Variants in COG8 observed in about 807,000 individuals in gnomAD.
COG8 encodes conserved oligomeric Golgi complex subunit 8.
A neutral mutation model predicts 46.5 loss-of-function variants in COG8; 45 were observed. The observed-to-expected ratio is 0.97, with a 90% CI of 0.76 to 1.24. The LOEUF (loss-of-function observed/expected upper bound fraction) is 1.24. Among genes scored for constraint, COG8 ranks in the 50% most tolerant of loss-of-function variants. COG8 has a pLI of 0.00. For missense variants in COG8, 793 were observed against 820.8 expected (o/e 0.97, Z 0.41); for synonymous variants, 407 against 347.8 (o/e 1.17, Z -1.90).
Position 69,330,996 on chromosome 16 carries a change from G to GTC in COG8, c.1680_1681dup (p.Thr561ArgfsTer115), listed in dbSNP as rs780534334. On this transcript the variant is annotated frameshift_variant, in exon 5 of 6. Transcript: ENST00000306875. LOFTEE classifies it high-confidence loss of function. ...CGCCTGGTCATCCAGGGTGAAAAGC[G>GTC]TCTCTCTCTTTGGCAGGATAAAGGC... The GTC allele has an allele frequency of 1.9e-6, 3 of 1,610,024 alleles. No individual in the cohort carries two copies. Among genetic ancestry groups the GTC allele is most frequent in the African/African-American group, 2.7e-5 (2 of 74,884 alleles).
rs772845929 is a variant in COG8, at chr16:69,330,919, G to A, written c.1759C>T (p.Arg587Cys). 2.6e-6 allele frequency: 4 copies of A among 1,557,922 alleles called. No individual in the cohort carries two copies. The East Asian group carries it at 7.2e-5, about 28-fold the overall frequency. ...CAGGCTGGGCCCGCGGGCTCCAGGCGTGGCTCCTCGGCGGGAGGCTCTGGT... is the reference window on the plus strand; with the variant it reads ...CAGGCTGGGCCCGCGGGCTCCAGGCATGGCTCCTCGGCGGGAGGCTCTGGT... Reference protein sequence around the residue: ...PAPEPPAEEPRLEPAGPACPE... With the variant: ...PAPEPPAEEPCLEPAGPACPE... The change falls in exon 5 of 6, where the codon CGC (arginine) becomes TGC (cysteine). Residue 587 changes from arginine to cysteine, a missense_variant. Arg to Cys is a radical substitution (Grantham distance 180). Transcript: ENST00000306875.
At chr16:69,336,795 A>G (rs1340177296) in intron 1 of COG8, 83 bp from the exon 2 acceptor site, 2 of 1,153,852 alleles carry the variant, frequency 1.7e-6, no homozygotes, top group African/African-American at 3.0e-5. Flanking sequence ...TGCTATGAAC[A>G]TTGGGCTGGA....
Position 69,339,343 on chromosome 16 carries a change from C to T in COG8, c.210G>A (p.Glu70=), listed in dbSNP as rs1431973028. The change falls in exon 1 of 6, where the codon GAG becomes GAA. Residue 70 remains glutamate, a synonymous_variant. Coordinates refer to ENST00000306875, the MANE Select transcript of COG8 (RefSeq NM_032382.5). ...RLRREPERLA[E]ERAQLLQQTR... is the part of the protein sequence containing the mutation. ...TCTGCTGCAGCAGCTGCGCCCGCTC[C>T]TCCGCCAGGCGCTCGGGCTCGCGCC... 2.5e-6 allele frequency: 4 copies of T among 1,601,000 alleles called. No individual in the cohort carries two copies. Among genetic ancestry groups the T allele is most frequent in the Non-Finnish European group, 3.4e-6 (4 of 1,176,174 alleles).
At chr16:69,330,487 C>T in intron 5 of COG8, 1 of 1,474,214 alleles carries the variant, frequency 6.8e-7, no homozygotes, top group Non-Finnish European at 8.9e-7. Flanking sequence ...AGCTGCAAGC[C>T]CGGACACCGA....
At chr16:69,330,155 T>A in intron 5 of COG8, 1 of 1,544,028 alleles carries the variant, frequency 6.5e-7, no homozygotes, top group Non-Finnish European at 8.7e-7. Flanking sequence ...GAGCGCGCGC[T>A]GGCGGGGCGG....
rs1965681066 is a variant in COG8, at chr16:69,328,743, A to G, written c.*463T>C. On this transcript the variant is annotated 3_prime_UTR_variant, in exon 6 of 6. Coordinates refer to ENST00000306875, the MANE Select transcript of COG8 (RefSeq NM_032382.5). ...GAGGAACTCGTGTCTACTGCAGACG[A>G]ATGCAATTACCCCACCTTCCTCCAT... 1 of 416,582 alleles carries G rather than the reference A, an allele frequency of 2.4e-6. No individual in the cohort carries two copies. The highest frequency in any genetic ancestry group is 2.9e-5 in the South Asian group (1 of 34,580). The allele number at this position is 416,582 out of a possible 1,614,324, so 25.8% of individuals were successfully genotyped here.
At chr16:69,335,378 G>C in intron 2 of COG8, 30 bp from the exon 3 acceptor site, 1 of 1,531,102 alleles carries the variant, frequency 6.5e-7, no homozygotes, top group Non-Finnish European at 8.8e-7. Context: ...GTCACACTGC[G>C]CTGGGAAGGA....
At chr16:69,335,434 C>T in intron 2 of COG8, 86 bp from the exon 3 acceptor site, 2 of 1,093,870 alleles carry the variant, frequency 1.8e-6, no homozygotes, top group South Asian at 2.7e-5. Context: ...TGCAGACCAA[C>T]ATTCCCATGG....
chr16:69,335,475 G>A (rs949033953), intron 2 of COG8, 127 bp from the exon 3 acceptor site: 2 of 820,596 alleles, frequency 2.4e-6, no homozygotes, highest in African/African-American at 1.7e-5. Flanking sequence ...ATTTCCTAAA[G>A]CTGATGCCTG....
Position 69,332,725 on chromosome 16 carries a change from G to C in COG8, c.1571C>G (p.Ala524Gly). The change falls in exon 4 of 6, where the codon GCA (alanine) becomes GGA (glycine). Residue 524 changes from alanine to glycine, a missense_variant. Ala to Gly is a moderately conservative substitution (Grantham distance 60, BLOSUM62 0). Coordinates refer to ENST00000306875, the MANE Select transcript of COG8 (RefSeq NM_032382.5). Reference sequence around the variant, plus strand: ...TTTCATTCTCTTACCTAAAGTCTGTGCTATCTGAGCTGGTGGAAAAAGGAC... The same window carrying C: ...TTTCATTCTCTTACCTAAAGTCTGTCCTATCTGAGCTGGTGGAAAAAGGAC... ...LQVLFPPAQIAQTLGIPPTQL... is the reference protein window; with the variant it reads ...LQVLFPPAQIGQTLGIPPTQL... The C allele has an allele frequency of 6.2e-7, 1 of 1,614,014 alleles. No homozygotes were observed. The highest frequency in any genetic ancestry group is 8.5e-7 in the Non-Finnish European group (1 of 1,179,862).
rs1965650531 is a variant in COG8 at position 69,327,883 on chromosome 16, C to T, written c.*1323G>A. On this transcript the variant is annotated 3_prime_UTR_variant, in exon 6 of 6. Coordinates refer to ENST00000306875, the MANE Select transcript of COG8 (RefSeq NM_032382.5). The stretch of plus-strand genomic sequence containing the variant: ...AAAAATAAAAGAATAAAACAAGTTC[C>T]TTCACCTCTTGACAAGACAAAGCTG... 1 of 151,568 alleles carries T rather than the reference C, an allele frequency of 6.6e-6. No homozygotes were observed. The allele number at this position is 151,568 out of a possible 1,614,324, so 9.4% of individuals were successfully genotyped here.
chr16:69,330,397 A>C, intron 5 of COG8: 2 of 1,479,392 alleles, frequency 1.4e-6, no homozygotes, highest in Non-Finnish European at 1.8e-6. Flanking sequence ...GTTCGGGAGG[A>C]CCCAGCACCA....
rs757770081 is a variant in COG8, at chr16:69,334,646, G to C, written c.1288C>G (p.Leu430Val). 8.1e-6 allele frequency: 13 copies of C among 1,614,092 alleles called. No homozygotes were observed. The highest frequency in any genetic ancestry group is 1.0e-5 in the Non-Finnish European group (12 of 1,180,042). ...PGTLQPPMVLLDFPPLACFLN... is the reference protein window; with the variant it reads ...PGTLQPPMVLVDFPPLACFLN... ...AAGCAGGCGAGGGGTGGGAAATCTA[G>C]GAGCACCATGGGTGGCTGCAGCGTC... The change falls in exon 3 of 6, where the codon CTA becomes GTA. Residue 430 changes from leucine (L) to valine (V), a missense_variant. Coordinates refer to ENST00000306875, the MANE Select transcript of COG8 (RefSeq NM_032382.5).
intron 4 of COG8, 99 bp from the exon 5 acceptor site, chr16:69,331,194 T>G: frequency 4.3e-5 from 54 of 1,268,904 alleles, no homozygotes; most frequent in Non-Finnish European, 4.4e-5. Flanking sequence ...ACGCCTGTAA[T>G]CCCAGCACTT....
chr16:69,337,546 C>T (rs12935324), intron 1 of COG8, among the ~76,000 whole-genome samples: 1 of 152,216 alleles, frequency 6.6e-6, no homozygotes, highest in African/African-American at 2.4e-5. Flanking sequence ...CTGCCACAGT[C>T]TACTTTCAAC....
Position 69,330,920 on chromosome 16 carries a change from T to TG in COG8, c.1757dup (p.Arg587ThrfsTer84), listed in dbSNP as rs1202504473. The TG allele has an allele frequency of 6.4e-7, 1 of 1,558,296 alleles. No homozygotes were observed. Among genetic ancestry groups the TG allele is most frequent in the Non-Finnish European group, 8.7e-7 (1 of 1,151,230 alleles). ...AGGCTGGGCCCGCGGGCTCCAGGCG[T>TG]GGCTCCTCGGCGGGAGGCTCTGGTG... is the stretch of plus-strand genomic sequence containing the variant. On this transcript the variant is annotated frameshift_variant, in exon 5 of 6. Transcript: ENST00000306875. LOFTEE classifies it high-confidence loss of function.
chr16:69,337,686 G>A (rs1050809011), intron 1 of COG8, among the ~76,000 whole-genome samples: 28 of 151,850 alleles, frequency 1.8e-4, no homozygotes, highest in African/African-American at 1.2e-4. Context: ...ATGAAAGGCT[G>A]GAAGGCAGAA....
At chr16:69,336,767 C>T (rs2012231812) in intron 1 of COG8, 55 bp from the exon 2 acceptor site, 1 of 1,475,942 alleles carries the variant, frequency 6.8e-7, no homozygotes, top group Non-Finnish European at 9.5e-7. Context: ...CAAACCTTAG[C>T]TACAGTTACC....
At position 69,339,347 on chromosome 16, in the gene COG8, G is replaced by A. The variant is rs2012399868; in HGVS notation, c.206C>T (p.Ala69Val). ...ERLRREPERLAEERAQLLQQT... is the reference protein window; with the variant it reads ...ERLRREPERLVEERAQLLQQT... ...CTGCAGCAGCTGCGCCCGCTCCTCC[G>A]CCAGGCGCTCGGGCTCGCGCCGCAG... is the stretch of plus-strand genomic sequence containing the variant. The change falls in exon 1 of 6, where the codon GCG becomes GTG. Residue 69 changes from alanine to valine, a missense_variant. Ala to Val is a moderately conservative substitution (Grantham distance 64). Transcript: ENST00000306875. 6.3e-7 allele frequency: 1 copy of A among 1,598,924 alleles called. No homozygotes were observed. Among genetic ancestry groups the A allele is most frequent in the East Asian group, 2.3e-5 (1 of 44,366 alleles).
Sources: gnomAD v4.1 joint callset for allele counts (sites outside exome capture counted in the v4.1 genomes callset) on GRCh38, gnomAD v4.1.1 for gene constraint, MANE v1.5 for transcripts, NCBI Gene and HGNC (gene_info 2026-07-23, HGNC 2026-07-21) for gene names.